The following GLRA2 variants were observed in gnomAD, a reference collection of about 807,000 sequenced individuals.
GLRA2 encodes glycine receptor subunit alpha-2.
GLRA2 carries 11 observed loss-of-function variants against 31.6 expected under a neutral mutation model. The observed-to-expected ratio is 0.35, with a 90% CI of 0.22 to 0.58. The LOEUF (loss-of-function observed/expected upper bound fraction) is 0.58. Among genes scored for constraint, GLRA2 ranks in the 20% least tolerant of loss-of-function variants. The pLI is 0.84. For synonymous variants in GLRA2, 132 were observed against 134.0 expected (o/e 0.99, Z 0.10); for missense variants, 212 against 351.8 (o/e 0.60, Z 3.18).
chrX:14,670,912 C>A (rs1251015145), intron 7 of GLRA2, among the ~76,000 whole-genome samples: 2 of 111,699 alleles, frequency 1.8e-5, no homozygotes, highest in Non-Finnish European at 3.8e-5. Context: ...AACATTTCTG[C>A]AAATAAGGTG....
the GLRA2 span, among the ~76,000 whole-genome samples, chrX:14,458,270 A>C: frequency 9.0e-6 from 1 of 111,308 alleles, no homozygotes; most frequent in African/African-American, 3.3e-5. Context: ...CCAGTCTATC[A>C]TTGTTGGACA....
chrX:14,590,625 G>A (rs1467251085), intron 4 of GLRA2, among the ~76,000 whole-genome samples: 1 of 111,815 alleles, frequency 8.9e-6, no homozygotes, highest in Non-Finnish European at 1.9e-5. Context: ...ATTTTGATGA[G>A]ACACATAAGC....
At chrX:14,574,524 A>G in intron 3 of GLRA2, 124 bp downstream of exon 3, 1 of 1,205,056 alleles carries the variant, frequency 8.3e-7, no homozygotes, top group Non-Finnish European at 1.1e-6. Context: ...CAACATATTT[A>G]TCAACAGCTT....
chrX:14,657,493 G>C (rs969559028), intron 7 of GLRA2, among the ~76,000 whole-genome samples: 1 of 112,441 alleles, frequency 8.9e-6, no homozygotes, highest in African/African-American at 3.2e-5. Context: ...CAGAAAACAG[G>C]GATCAGCACA....
chrX:14,531,856 A>G (rs2089259959), intron 1 of GLRA2, among the ~76,000 whole-genome samples: 2 of 111,418 alleles, frequency 1.8e-5, no homozygotes, highest in African/African-American at 6.5e-5. Flanking sequence ...TGCTGAAACA[A>G]TTTTTTTAAG....
chrX:14,691,933 G>A (rs1344277188), intron 8 of GLRA2, among the ~76,000 whole-genome samples: 2 of 112,360 alleles, frequency 1.8e-5, no homozygotes, highest in East Asian at 2.8e-4. Context: ...TGCTGGTGAA[G>A]TAATAGTTAT....
At chrX:14,469,130 A>T in the GLRA2 span, among the ~76,000 whole-genome samples, 1 of 111,043 alleles carries the variant, frequency 9.0e-6, no homozygotes, top group African/African-American at 3.3e-5. Flanking sequence ...GTTCACTCTG[A>T]TGGTAGTTTC....
At chrX:14,532,565 T>C (rs1331213175) in intron 2 of GLRA2, among the ~76,000 whole-genome samples, 193 bp downstream of exon 2, 2 of 112,099 alleles carry the variant, frequency 1.8e-5, no homozygotes, top group East Asian at 5.5e-4. Context: ...ATTTGAAAAC[T>C]TTCCTTGTTT....
chrX:14,494,190 G>T, the GLRA2 span, among the ~76,000 whole-genome samples: 2 of 111,677 alleles, frequency 1.8e-5, no homozygotes, highest in African/African-American at 6.5e-5. Flanking sequence ...GTGACTGGAA[G>T]GGAAAGATAA....
chrX:14,472,817 C>A, the GLRA2 span, among the ~76,000 whole-genome samples: 7 of 111,266 alleles, frequency 6.3e-5, no homozygotes, highest in African/African-American at 2.3e-4. Flanking sequence ...AACGTTAGAA[C>A]CTTCAGACCA....
intron 8 of GLRA2, among the ~76,000 whole-genome samples, chrX:14,723,331 C>T (rs2147260606): frequency 8.9e-6 from 1 of 111,861 alleles, no homozygotes; most frequent in South Asian, 3.7e-4. Flanking sequence ...GTTGATTGCC[C>T]CTCTATGTCT....
chrX:14,650,213 C>A (rs374944626), intron 7 of GLRA2, among the ~76,000 whole-genome samples: 2 of 111,137 alleles, frequency 1.8e-5, no homozygotes, highest in East Asian at 2.8e-4. Flanking sequence ...GTGTTTTAAT[C>A]ACGTTTGCCT....
chrX:14,460,426 G>T, the GLRA2 span, among the ~76,000 whole-genome samples: 3 of 111,591 alleles, frequency 2.7e-5, no homozygotes, highest in Non-Finnish European at 5.6e-5. Flanking sequence ...TCTATTGATC[G>T]GAATAATTTC....
the GLRA2 span, among the ~76,000 whole-genome samples, chrX:14,464,608 G>A: frequency 8.9e-6 from 1 of 111,875 alleles, no homozygotes; most frequent in Admixed American, 9.5e-5. Context: ...CCAGGCTGGA[G>A]TGCAGTGGTG....
At chrX:14,701,919 A>G (rs1342971084) in intron 8 of GLRA2, among the ~76,000 whole-genome samples, 1 of 112,120 alleles carries the variant, frequency 8.9e-6, no homozygotes, top group Non-Finnish European at 1.9e-5. Context: ...AGGCTCAGAC[A>G]AATATTTCAG....
At chrX:14,544,554 T>C (rs2089452577) in intron 2 of GLRA2, among the ~76,000 whole-genome samples, 1 of 111,815 alleles carries the variant, frequency 8.9e-6, no homozygotes, top group African/African-American at 3.2e-5. Flanking sequence ...AAATCTCATT[T>C]AAAATTGAAA....
chrX:14,626,420 G>A (rs1362649169), intron 7 of GLRA2, among the ~76,000 whole-genome samples: 2 of 111,920 alleles, frequency 1.8e-5, no homozygotes, highest in Admixed American at 1.9e-4. Context: ...TTCACATATT[G>A]TTTATCATTT....
chrX:14,499,976 C>T, the GLRA2 span, among the ~76,000 whole-genome samples: 6 of 111,676 alleles, frequency 5.4e-5, no homozygotes, highest in African/African-American at 2.0e-4. Flanking sequence ...TTATTAATCC[C>T]TTGTCAGATA....
the GLRA2 span, among the ~76,000 whole-genome samples, chrX:14,466,684 A>G: frequency 8.9e-6 from 1 of 112,101 alleles, no homozygotes; most frequent in Non-Finnish European, 1.9e-5. Flanking sequence ...AAAAGAAATC[A>G]ATAATGGCCT....
Sources: allele counts gnomAD v4.1 joint callset (sites outside exome capture counted in the v4.1 genomes callset), GRCh38; gene constraint gnomAD v4.1.1; transcripts MANE v1.5; gene names NCBI Gene and HGNC (gene_info 2026-07-23, HGNC 2026-07-21).